The following SLC38A1 variants were observed in gnomAD, a reference collection of about 807,000 sequenced individuals.
SLC38A1 encodes solute carrier family 38 member 1.
Under a neutral mutation model 60.3 loss-of-function variants are expected in SLC38A1, and 18 were observed. The observed-to-expected ratio is 0.30, with a 90% CI of 0.21 to 0.44. SLC38A1 has a LOEUF of 0.44. SLC38A1 is among the 20% of genes least tolerant of loss of function. The pLI, the probability that SLC38A1 is intolerant of heterozygous loss-of-function variation, is 1.00. For missense variants in SLC38A1, 448 were observed against 587.2 expected, an observed-to-expected ratio of 0.76 and a Z score of 2.45; for synonymous variants, 196 against 212.1, an observed-to-expected ratio of 0.92 and a Z score of 0.66.
intron 1 of SLC38A1, among the ~76,000 whole-genome samples, chr12:46,261,287 G>C (rs1344637221): frequency 6.6e-6 from 1 of 152,154 alleles, no homozygotes; most frequent in Non-Finnish European, 1.5e-5. Flanking sequence ...AATTGTTCCA[G>C]TTGAGAACCT....
rs1466705324 is a variant in SLC38A1 at position 46,206,178 on chromosome 12, G to A, written c.564-16C>T. Reference sequence around the variant, plus strand: ...GTACCAGGCTCTGAAAGGCATTTAAGTGATTAGGTTATATTTTTTTAGAAA... The same window carrying A: ...GTACCAGGCTCTGAAAGGCATTTAAATGATTAGGTTATATTTTTTTAGAAA... On this transcript the variant is annotated splice_polypyrimidine_tract_variant and intron_variant, in intron 8 of 16. Transcript: ENST00000398637. 6.4e-7 allele frequency: 1 copy of A among 1,552,256 alleles called. No homozygotes were observed. Among genetic ancestry groups the A allele is most frequent in the Admixed American group, 1.7e-5 (1 of 57,696 alleles).
At chr12:46,239,562 C>T (rs937917660) in intron 3 of SLC38A1, 117 bp downstream of exon 3, 15 of 1,148,900 alleles carry the variant, frequency 1.3e-5, no homozygotes, top group Admixed American at 1.8e-5. Context: ...AGGCTGGTCT[C>T]GAATTCCTGA....
intron 5 of SLC38A1, among the ~76,000 whole-genome samples, chr12:46,211,786 C>A (rs1479596483): frequency 6.6e-6 from 1 of 152,136 alleles, no homozygotes; most frequent in Non-Finnish European, 1.5e-5. Context: ...AACATTGCAC[C>A]CCAGAGTACT....
intron 3 of SLC38A1, among the ~76,000 whole-genome samples, chr12:46,230,160 G>A (rs1941017937): frequency 1.3e-5 from 2 of 152,170 alleles, no homozygotes; most frequent in Non-Finnish European, 1.5e-5. Context: ...CTACAAAATT[G>A]TTAAATAGAA....
chr12:46,199,307 TTGTGTGTGTGTGTGTGTG>T lies in SLC38A1; in HGVS notation c.1004-582_1004-565del, dbSNP rs71067986. The stretch of plus-strand genomic sequence containing the variant: ...AAAAAAAATTAGTTTATGTACTACT[TTGTGTGTGTGTGTGTGTG>T]TGTGTGTGTGTGTGTGTGTGTGTGT... On this transcript the variant is annotated intron_variant, in intron 13 of 16. Coordinates refer to ENST00000398637, the MANE Select transcript of SLC38A1 (RefSeq NM_030674.4). Among the ~76,000 whole-genome samples the T allele has an allele frequency of 2.1e-3, 261 of 125,340 alleles. 1 individual carries two copies. Among genetic ancestry groups the T allele is most frequent in the African/African-American group, 2.2e-3 (68 of 31,552 alleles). 82.2% of individuals were successfully genotyped at this position (125,340 alleles called of 152,430 possible). A position where few individuals can be genotyped will look rare whatever the true frequency, so the allele number is the denominator to read the frequency against.
chr12:46,240,678 C>T (rs1020384316), intron 2 of SLC38A1, among the ~76,000 whole-genome samples: 3 of 152,154 alleles, frequency 2.0e-5, no homozygotes, highest in African/African-American at 7.2e-5. Context: ...CAGTAAACAA[C>T]AAATTTATGT....
intron 3 of SLC38A1, among the ~76,000 whole-genome samples, chr12:46,235,587 G>A (rs1395734832): frequency 7.9e-5 from 12 of 152,102 alleles, no homozygotes; most frequent in Admixed American, 7.9e-4. Context: ...AGCAAGAGAA[G>A]AATTTTCTGA....
chr12:46,226,445 G>A (rs184710500), intron 5 of SLC38A1, among the ~76,000 whole-genome samples: 171 of 151,772 alleles, frequency 1.1e-3, no homozygotes, highest in African/African-American at 3.9e-3. Flanking sequence ...ATAAAGAGGG[G>A]AAAAATTGAG....
At chr12:46,250,956 T>C (rs1230006634) in intron 1 of SLC38A1, among the ~76,000 whole-genome samples, 1 of 152,192 alleles carries the variant, frequency 6.6e-6, no homozygotes, top group African/African-American at 2.4e-5. Context: ...CTCATCAAGC[T>C]ACCAATGACT....
At chr12:46,210,404 A>G (rs563393571) in intron 5 of SLC38A1, among the ~76,000 whole-genome samples, 1 of 152,360 alleles carries the variant, frequency 6.6e-6, no homozygotes, top group East Asian at 1.9e-4. Context: ...AGGAGAAAGA[A>G]CAGACCTAAC....
At chr12:46,195,352 C>T (rs185979871) in intron 16 of SLC38A1, among the ~76,000 whole-genome samples, 1 of 152,318 alleles carries the variant, frequency 6.6e-6, no homozygotes, top group Admixed American at 6.5e-5. Flanking sequence ...AGGTATCTCT[C>T]AGCCCCTGAT....
chr12:46,209,064 T>G lies in SLC38A1; in HGVS notation c.378A>C (p.Ser126=), dbSNP rs1328028143. ...ACGTCCTCAGCTTACCTGTTTCTTTTGAACAGATCAATAGGAGGTTTATTG... is the reference window on the plus strand; with the variant it reads ...ACGTCCTCAGCTTACCTGTTTCTTTGGAACAGATCAATAGGAGGTTTATTG... ...IYSINLLLIC[S]KETGCMVYEK... The change falls in exon 6 of 17, where the codon TCA becomes TCC. Residue 126 remains serine, a synonymous_variant. Transcript: ENST00000398637. 6.2e-7 allele frequency: 1 copy of G among 1,610,486 alleles called. No homozygotes were observed. The highest frequency in any genetic ancestry group is 8.5e-7 in the Non-Finnish European group (1 of 1,178,074).
chr12:46,223,185 A>T (rs1940726557), intron 5 of SLC38A1, among the ~76,000 whole-genome samples: 1 of 152,146 alleles, frequency 6.6e-6, no homozygotes, highest in Non-Finnish European at 1.5e-5. Context: ...CCTGGATGGG[A>T]CGCTGGCTCC....
intron 1 of SLC38A1, among the ~76,000 whole-genome samples, chr12:46,248,802 G>A (rs532346848): frequency 8.5e-5 from 13 of 152,130 alleles, no homozygotes; most frequent in South Asian, 6.2e-4. Flanking sequence ...GTAAAAGAAC[G>A]GAAATCACAA....
chr12:46,212,885 G>C (rs1940236709), intron 5 of SLC38A1, among the ~76,000 whole-genome samples: 1 of 152,202 alleles, frequency 6.6e-6, no homozygotes, highest in South Asian at 2.1e-4. Flanking sequence ...TGAAATCACT[G>C]TCGCTACTTC....
intron 1 of SLC38A1, chr12:46,254,784 A>G (rs1258992239): frequency 1.3e-5 from 2 of 152,938 alleles, no homozygotes; most frequent in African/African-American, 4.8e-5. Context: ...TATGCAAATA[A>G]CTATATTGCT....
intron 13 of SLC38A1, among the ~76,000 whole-genome samples, chr12:46,199,216 A>G (rs1939527387): frequency 6.6e-6 from 1 of 151,942 alleles, no homozygotes; most frequent in Non-Finnish European, 1.5e-5. Flanking sequence ...AGCAGCAGAG[A>G]CACTAGTTGA....
chr12:46,191,566 C>T (rs1159988659), intron 16 of SLC38A1, among the ~76,000 whole-genome samples: 4 of 152,140 alleles, frequency 2.6e-5, no homozygotes, highest in Admixed American at 6.5e-5. Context: ...TATCCATGAG[C>T]GTGGAATGTT....
chr12:46,236,712 C>A (rs138956534), intron 3 of SLC38A1, among the ~76,000 whole-genome samples: 124 of 152,298 alleles, frequency 8.1e-4, no homozygotes, highest in African/African-American at 3.0e-3. Context: ...TCCCTTTTCA[C>A]AAGAAGTTCA....
Sources: allele counts gnomAD v4.1 joint callset (sites outside exome capture counted in the v4.1 genomes callset), GRCh38; gene constraint gnomAD v4.1.1; transcripts MANE v1.5; gene names NCBI Gene and HGNC (gene_info 2026-07-23, HGNC 2026-07-21).